CDKL3: variants seen among roughly 807,000 people sequenced by gnomAD.
CDKL3 encodes the protein cyclin-dependent kinase-like 3.
A neutral mutation model predicts 69.3 loss-of-function variants in CDKL3; 65 were observed. That is an observed-to-expected ratio of 0.94 (90% CI 0.77 to 1.15). The LOEUF (loss-of-function observed/expected upper bound fraction) is 1.15. Among genes scored for constraint, CDKL3 ranks in the 50% most tolerant of loss-of-function variants. The probability of loss-of-function intolerance (pLI) is 0.00; values close to 1 mark genes in which losing one functional copy is unlikely to be tolerated. For synonymous variants in CDKL3, 202 were observed against 221.6 expected (o/e 0.91, Z 0.79); for missense variants, 652 against 689.2 (o/e 0.95, Z 0.61).
At chr5:134,354,804 G>T (rs1041290020) in intron 3 of CDKL3, among the ~76,000 whole-genome samples, 1 of 152,006 alleles carries the variant, frequency 6.6e-6, no homozygotes, top group Non-Finnish European at 1.5e-5. Flanking sequence ...AAAATTAGCC[G>T]GACATGGTGG....
chr5:134,365,635 G>T (rs1216735310), intron 2 of CDKL3, among the ~76,000 whole-genome samples: 1 of 151,978 alleles, frequency 6.6e-6, no homozygotes, highest in African/African-American at 2.4e-5. Context: ...AAACCTTCAC[G>T]ACTTTCCACC....
downstream of CDKL3, among the ~76,000 whole-genome samples, chr5:134,296,165 G>A (rs1765338529): frequency 6.6e-6 from 1 of 152,128 alleles, no homozygotes; most frequent in Non-Finnish European, 1.5e-5. Context: ...CCAAAGTGCT[G>A]GGATTACAGG....
intron 6 of CDKL3, among the ~76,000 whole-genome samples, chr5:134,313,287 G>A (rs945222002): frequency 1.5e-4 from 23 of 152,118 alleles, no homozygotes; most frequent in African/African-American, 5.3e-4. Context: ...TGCAATTATA[G>A]CTCACTGGAG....
At chr5:134,299,445 T>C in intron 12 of CDKL3, 2 of 1,110,486 alleles carry the variant, frequency 1.8e-6, no homozygotes, top group Non-Finnish European at 2.3e-6. Flanking sequence ...AAATGTAAGC[T>C]GCAATTTTAT....
chr5:134,352,770 G>T (rs192578214), intron 3 of CDKL3, among the ~76,000 whole-genome samples: 37 of 152,024 alleles, frequency 2.4e-4, no homozygotes, highest in Non-Finnish European at 3.8e-4. Flanking sequence ...TTTTAATCAG[G>T]TTATTTGTTT....
At chr5:134,304,624 C>A in intron 10 of CDKL3, 57 bp from the exon 11 acceptor site, 2 of 1,419,004 alleles carry the variant, frequency 1.4e-6, no homozygotes, top group South Asian at 1.3e-5. Context: ...TGTAGAATGA[C>A]AATCCTAGAA....
chr5:134,290,353 C>CAAAAAA (rs1212709645), intron 8 of CDKL3, among the ~76,000 whole-genome samples: 1 of 24,780 alleles, frequency 4.0e-5, no homozygotes, highest in African/African-American at 1.5e-4. Context: ...GACTCTGTCT[C>CAAAAAA]AAAAAAAAAA....
chr5:134,302,367 G>A (rs559546085), intron 12 of CDKL3, among the ~76,000 whole-genome samples: 1 of 152,238 alleles, frequency 6.6e-6, no homozygotes, highest in African/African-American at 2.4e-5. Flanking sequence ...TTTTCCCTGG[G>A]TGCCATGCAT....
At position 134,303,847 on chromosome 5, in the gene CDKL3, T is replaced by TTAAA. The variant is rs550308231; in HGVS notation, c.1621+554_1621+557dup. On this transcript the variant is annotated intron_variant, in intron 11 of 12. Transcript: ENST00000265334. ...CTGGGCAGCAGAGTGAGACTCTGTC[T>TTAAA]TAAATAAATAAATAAATAAATAAAT... Among the ~76,000 whole-genome samples the TTAAA allele has an allele frequency of 2.5e-3, 383 of 152,088 alleles. 5 individuals are homozygous for TTAAA. Among genetic ancestry groups the TTAAA allele is most frequent in the Admixed American group, 0.02 (298 of 15,252 alleles).
intron 8 of CDKL3, among the ~76,000 whole-genome samples, chr5:134,289,724 T>C (rs1765039819): frequency 6.6e-6 from 1 of 152,182 alleles, no homozygotes. Flanking sequence ...GGGCTCCCTC[T>C]GGAGGAGACT....
chr5:134,321,084 C>G (rs1772654566), intron 5 of CDKL3, among the ~76,000 whole-genome samples: 1 of 144,206 alleles, frequency 6.9e-6, no homozygotes, highest in African/African-American at 2.6e-5. Context: ...TCGTGGCTCA[C>G]TGCAACCTCT....
chr5:134,285,104 G>A (rs186869138), downstream of CDKL3, among the ~76,000 whole-genome samples: 93 of 152,298 alleles, frequency 6.1e-4, no homozygotes, highest in African/African-American at 2.0e-3. Context: ...GGCTTCAGCC[G>A]GTCCCTCCGT....
At chr5:134,327,472 T>A (rs187996930) in intron 4 of CDKL3, among the ~76,000 whole-genome samples, 139 of 152,286 alleles carry the variant, frequency 9.1e-4, no homozygotes, top group African/African-American at 3.2e-3. Flanking sequence ...TCCTAATCCC[T>A]TTCAAAGGAA....
At chr5:134,329,709 T>A (rs1775299517) in intron 4 of CDKL3, among the ~76,000 whole-genome samples, 1 of 152,048 alleles carries the variant, frequency 6.6e-6, no homozygotes, top group Non-Finnish European at 1.5e-5. Flanking sequence ...GACCTCGTGA[T>A]CCACCCACCT....
chr5:134,342,321 G>A (rs1037762207), intron 4 of CDKL3, among the ~76,000 whole-genome samples: 8 of 152,114 alleles, frequency 5.3e-5, no homozygotes, highest in African/African-American at 9.7e-5. Context: ...TATGGAAGCC[G>A]GGTGCGGTGG....
At chr5:134,336,039 T>A (rs1777025090) in intron 4 of CDKL3, among the ~76,000 whole-genome samples, 1 of 152,246 alleles carries the variant, frequency 6.6e-6, no homozygotes, top group Non-Finnish European at 1.5e-5. Flanking sequence ...CTTTTTTCTC[T>A]AATCTTGTCT....
chr5:134,319,231 T>TGAGGCAGGAGAATCTCATGACCTGG (rs1772068239), intron 6 of CDKL3, 127 bp downstream of exon 6: 1 of 654,470 alleles, frequency 1.5e-6, no homozygotes, highest in African/African-American at 1.9e-5. Context: ...CTCGGAAGGC[T>TGAGGCAGGAGAATCTCATGACCTGG]GAGGCAGGAG....
intron 4 of CDKL3, among the ~76,000 whole-genome samples, chr5:134,346,211 T>C (rs1047866435): frequency 2.6e-5 from 4 of 152,196 alleles, no homozygotes; most frequent in Non-Finnish European, 5.9e-5. Flanking sequence ...AAGGAAGGAA[T>C]GCAAAACAGA....
At chr5:134,321,079 G>A (rs941532734) in intron 5 of CDKL3, among the ~76,000 whole-genome samples, 9 of 146,716 alleles carry the variant, frequency 6.1e-5, no homozygotes, top group African/African-American at 2.3e-4. Context: ...CGTGATCGTG[G>A]CTCACTGCAA....
Sources: gnomAD v4.1 joint callset for allele counts (sites outside exome capture counted in the v4.1 genomes callset) on GRCh38, gnomAD v4.1.1 for gene constraint, MANE v1.5 for transcripts, NCBI Gene and HGNC (gene_info 2026-07-23, HGNC 2026-07-21) for gene names.